Variants in PPP1R13B observed in about 807,000 individuals in gnomAD.
The protein encoded by PPP1R13B is apoptosis-stimulating of p53 protein 1.
Under a neutral mutation model 119.8 loss-of-function variants are expected in PPP1R13B, and 44 were observed. The ratio of observed to expected loss-of-function variants is 0.37; its 90% CI spans 0.29 to 0.47. PPP1R13B has a LOEUF of 0.47. PPP1R13B is among the 20% of genes least tolerant of loss of function. The pLI is 0.99. For synonymous variants in PPP1R13B, 542 were observed against 561.5 expected (o/e 0.97, Z 0.49); for missense variants, 1,227 against 1,413.5 (o/e 0.87, Z 2.12).
intron 1 of PPP1R13B, among the ~76,000 whole-genome samples, chr14:103,826,780 G>T (rs375376052): frequency 2.6e-5 from 4 of 151,490 alleles, no homozygotes; most frequent in African/African-American, 9.7e-5. Context: ...AGGCCAAGGC[G>T]GGCAGATCAC....
chr14:103,791,745 T>A (rs918084024), intron 2 of PPP1R13B, among the ~76,000 whole-genome samples: 41 of 152,270 alleles, frequency 2.7e-4, no homozygotes, highest in African/African-American at 9.4e-4. Context: ...AAACAAAATA[T>A]ATATATAGAA....
chr14:103,823,489 T>G (rs1261844047), intron 1 of PPP1R13B, among the ~76,000 whole-genome samples: 4 of 152,154 alleles, frequency 2.6e-5, no homozygotes, highest in Non-Finnish European at 5.9e-5. Context: ...ACACTGGACC[T>G]AGCTTTGGTC....
chr14:103,845,706 T>C (rs2087013312), intron 1 of PPP1R13B, among the ~76,000 whole-genome samples: 1 of 152,188 alleles, frequency 6.6e-6, no homozygotes, highest in Non-Finnish European at 1.5e-5. Context: ...TTTTTCTAGA[T>C]ATCCTTCAAT....
At chr14:103,847,732 A>C (rs2087099310), upstream of PPP1R13B, 1 of 706,038 alleles carries the variant, frequency 1.4e-6, no homozygotes, top group Non-Finnish European at 1.7e-6. Context: ...CCTCGCTCTC[A>C]GCGGCGGCCA....
At chr14:103,741,649 C>A (rs2084260471) in intron 11 of PPP1R13B, 141 bp downstream of exon 11, 1 of 1,127,576 alleles carries the variant, frequency 8.9e-7, no homozygotes, top group African/African-American at 1.6e-5. Context: ...CACACTGACA[C>A]CCAAGGCTGT....
chr14:103,821,706 G>A (rs943889590), intron 1 of PPP1R13B, among the ~76,000 whole-genome samples: 1 of 152,024 alleles, frequency 6.6e-6, no homozygotes, highest in Non-Finnish European at 1.5e-5. Context: ...AGCTGAGATT[G>A]CGCCATTGCA....
At chr14:103,767,548 T>C (rs1210860496) in intron 4 of PPP1R13B, among the ~76,000 whole-genome samples, 1 of 152,144 alleles carries the variant, frequency 6.6e-6, no homozygotes, top group Non-Finnish European at 1.5e-5. Context: ...ACTGCTGATA[T>C]ATAATTCTTG....
intron 1 of PPP1R13B, among the ~76,000 whole-genome samples, chr14:103,820,738 T>G (rs976749865): frequency 6.8e-6 from 1 of 147,278 alleles, no homozygotes; most frequent in African/African-American, 2.5e-5. Context: ...TCCCAAGTGA[T>G]CCTCCCACCT....
chr14:103,831,056 G>C (rs1394528856), intron 1 of PPP1R13B, among the ~76,000 whole-genome samples: 1 of 148,878 alleles, frequency 6.7e-6, no homozygotes. Context: ...TGATTCTTCT[G>C]CCTCGGCCTG....
At chr14:103,754,822 C>A (rs375543355) in intron 5 of PPP1R13B, among the ~76,000 whole-genome samples, 4 of 151,530 alleles carry the variant, frequency 2.6e-5, no homozygotes, top group South Asian at 4.2e-4. Context: ...CTCTGTTGCC[C>A]AGGCTGGAGT....
chr14:103,767,922 C>T (rs2084972929), intron 4 of PPP1R13B, among the ~76,000 whole-genome samples: 2 of 152,164 alleles, frequency 1.3e-5, no homozygotes, highest in Admixed American at 1.3e-4. Context: ...TTCATACTAG[C>T]ATGATTTGTT....
At chr14:103,847,094 G>GC (rs1177689617) in intron 1 of PPP1R13B, 41 of 987,738 alleles carry the variant, frequency 4.2e-5, no homozygotes, top group Non-Finnish European at 4.7e-5. Flanking sequence ...CCCGCAGGCG[G>GC]CCCCGGCCCC....
Position 103,757,714 on chromosome 14 carries a change from A to T in PPP1R13B, c.392T>A (p.Leu131His), listed in dbSNP as rs2084711986. The T allele has an allele frequency of 1.2e-6, 2 of 1,614,076 alleles. No individual in the cohort carries two copies. The highest frequency in any genetic ancestry group is 4.5e-5 in the East Asian group (2 of 44,878). ...CTGTTGCCTAGCTGCCATATCTTGG[A>T]GCTCTGAGAGGGTAAGTTCAACACG... The part of the protein sequence containing the change: ...NPRVELTLSE[L>H]QDMAARQQQQ... The change falls in exon 5 of 17, where the codon CTC becomes CAC. Residue 131 changes from leucine (L) to histidine (H), a missense_variant. Coordinates refer to ENST00000202556, the MANE Select transcript of PPP1R13B (RefSeq NM_015316.3).
intron 15 of PPP1R13B, 156 bp from the exon 16 acceptor site, chr14:103,736,358 G>C: frequency 1.4e-6 from 1 of 737,316 alleles, no homozygotes; most frequent in Non-Finnish European, 2.2e-6. Flanking sequence ...TGAAGACTAG[G>C]GCCCCCACCC....
chr14:103,793,995 T>C (rs1167748282), intron 2 of PPP1R13B, among the ~76,000 whole-genome samples: 1 of 152,180 alleles, frequency 6.6e-6, no homozygotes, highest in African/African-American at 2.4e-5. Flanking sequence ...CTAGTGTCCT[T>C]ACAAGAGGGG....
At chr14:103,747,697 G>GTGTCAT (rs927528713) in intron 8 of PPP1R13B, among the ~76,000 whole-genome samples, 5 of 152,262 alleles carry the variant, frequency 3.3e-5, no homozygotes, top group Middle Eastern at 3.4e-3. Flanking sequence ...AAAGTCAACT[G>GTGTCAT]TGTCATTGTT....
chr14:103,833,528 A>G (rs2086706021), intron 1 of PPP1R13B, among the ~76,000 whole-genome samples: 1 of 152,144 alleles, frequency 6.6e-6, no homozygotes, highest in Non-Finnish European at 1.5e-5. Context: ...CTGTAATGCC[A>G]GCTCCTGGGG....
intron 3 of PPP1R13B, among the ~76,000 whole-genome samples, chr14:103,780,366 G>A (rs1215970137): frequency 1.3e-5 from 2 of 149,182 alleles, no homozygotes; most frequent in Non-Finnish European, 3.0e-5. Context: ...ACACGCCTGC[G>A]GTCCCAGCTA....
intron 1 of PPP1R13B, among the ~76,000 whole-genome samples, chr14:103,833,795 C>T (rs928140525): frequency 6.6e-6 from 1 of 152,114 alleles, no homozygotes; most frequent in Non-Finnish European, 1.5e-5. Context: ...TCTCTGCCAC[C>T]GTACTCTGCT....
Sources: gnomAD v4.1 joint callset for allele counts (sites outside exome capture counted in the v4.1 genomes callset) on GRCh38, gnomAD v4.1.1 for gene constraint, MANE v1.5 for transcripts, NCBI Gene and HGNC (gene_info 2026-07-23, HGNC 2026-07-21) for gene names.